The following AHI1 variants were observed in gnomAD, a reference collection of about 807,000 sequenced individuals.
AHI1 encodes the protein jouberin.
In AHI1, 123 loss-of-function variants were observed where a neutral mutation model predicts 149.3. The observed-to-expected ratio is 0.82, with a 90% CI of 0.71 to 0.96. The LOEUF (loss-of-function observed/expected upper bound fraction) is 0.96. Among genes scored for constraint, AHI1 ranks in the 40% least tolerant of loss-of-function variants. The pLI is 0.00. For missense variants in AHI1, 1,439 were observed against 1,422.7 expected (o/e 1.01, Z -0.18); for synonymous variants, 475 against 459.8 (o/e 1.03, Z -0.42).
intron 27 of AHI1, among the ~76,000 whole-genome samples, chr6:135,294,208 C>G (rs1317149973): frequency 1.3e-5 from 2 of 152,024 alleles, no homozygotes; most frequent in Non-Finnish European, 2.9e-5. Context: ...CACCTGTAAT[C>G]CCAGCTACTC....
At chr6:135,425,791 C>A (rs1783836178) in intron 20 of AHI1, among the ~76,000 whole-genome samples, 1 of 151,734 alleles carries the variant, frequency 6.6e-6, no homozygotes. Context: ...TGCCTAAAAA[C>A]CAAACTGGCA....
chr6:135,456,606 C>CT (rs1262633850), intron 9 of AHI1, among the ~76,000 whole-genome samples: 1 of 151,896 alleles, frequency 6.6e-6, no homozygotes, highest in African/African-American at 2.4e-5. Context: ...ACTGTAAACC[C>CT]TTTGAGTTGT....
At chr6:135,395,966 T>C (rs1216926305) in intron 22 of AHI1, among the ~76,000 whole-genome samples, 3 of 151,854 alleles carry the variant, frequency 2.0e-5, no homozygotes, top group East Asian at 1.9e-4. Flanking sequence ...TCTTGTTACA[T>C]GCCCTTTATC....
intron 3 of AHI1, chr6:135,493,056 T>C: frequency 1.2e-6 from 1 of 803,018 alleles, no homozygotes; most frequent in Non-Finnish European, 1.5e-6. Context: ...TCGAGTGCAG[T>C]GGTGTGATCT....
chr6:135,285,308 T>C lies in AHI1; in HGVS notation c.*337A>G. On this transcript the variant is annotated 3_prime_UTR_variant, in exon 29 of 29. Coordinates refer to ENST00000265602, the MANE Select transcript of AHI1 (RefSeq NM_001134831.2). Reference sequence around the variant, plus strand: ...CAGACATCCTAATAACGCAAACACCTTTTATTCACATTTGCTGAGTAGCAA... The same window carrying C: ...CAGACATCCTAATAACGCAAACACCCTTTATTCACATTTGCTGAGTAGCAA... 2.7e-6 allele frequency: 1 copy of C among 373,946 alleles called. No homozygotes were observed. The highest frequency in any genetic ancestry group is 4.9e-6 in the Non-Finnish European group (1 of 205,204). 23.2% of individuals were successfully genotyped at this position (373,946 alleles called of 1,614,324 possible).
At chr6:135,395,303 A>T (rs1257709820) in intron 22 of AHI1, among the ~76,000 whole-genome samples, 5 of 151,952 alleles carry the variant, frequency 3.3e-5, no homozygotes, top group Admixed American at 3.3e-4. Flanking sequence ...CTTTTCAGAG[A>T]TACACAGAAA....
chr6:135,351,302 A>G (rs1792079550), intron 24 of AHI1, among the ~76,000 whole-genome samples: 1 of 152,130 alleles, frequency 6.6e-6, no homozygotes, highest in South Asian at 2.1e-4. Context: ...CAAGCTTGAA[A>G]TATGTTCTTG....
intron 23 of AHI1, among the ~76,000 whole-genome samples, chr6:135,377,753 G>A (rs1456802452): frequency 1.3e-5 from 2 of 151,882 alleles, no homozygotes; most frequent in African/African-American, 2.4e-5. Flanking sequence ...AGTACCAGGC[G>A]CATGAACCAC....
chr6:135,351,622 G>C (rs1413945582), intron 24 of AHI1, among the ~76,000 whole-genome samples: 1 of 152,232 alleles, frequency 6.6e-6, no homozygotes, highest in African/African-American at 2.4e-5. Flanking sequence ...ATAGCTCAGA[G>C]CGGCCAGAGT....
chr6:135,442,606 TG>T lies in AHI1; in HGVS notation c.1887del (p.Ser630AlafsTer18). The T allele has an allele frequency of 6.2e-7, 1 of 1,609,598 alleles. No homozygotes were observed. Among genetic ancestry groups the T allele is most frequent in the South Asian group, 1.1e-5 (1 of 90,128 alleles). ...CAAATAATTGGATATCCATCCCGGC[TG>T]GCACAAGCTGCTGCTAATATTCTTC... ...HNGRILAAAC[A>X]SRDGYPIILY... On this transcript the variant is annotated frameshift_variant, in exon 14 of 29. Transcript: ENST00000265602. LOFTEE classifies it high-confidence loss of function.
chr6:135,356,253 G>T (rs951961009), intron 24 of AHI1, among the ~76,000 whole-genome samples: 1 of 151,998 alleles, frequency 6.6e-6, no homozygotes, highest in African/African-American at 2.4e-5. Context: ...AAAATTTGGG[G>T]CTACAAATAT....
At chr6:135,376,036 G>A (rs1167177767) in intron 23 of AHI1, among the ~76,000 whole-genome samples, 1 of 148,474 alleles carries the variant, frequency 6.7e-6, no homozygotes, top group East Asian at 2.0e-4. Flanking sequence ...TAGAAAAGTA[G>A]TACAACAAAT....
chr6:135,438,182 A>C (rs1290451710), intron 15 of AHI1, among the ~76,000 whole-genome samples, 193 bp downstream of exon 15: 1 of 152,236 alleles, frequency 6.6e-6, no homozygotes, highest in Non-Finnish European at 1.5e-5. Context: ...ACATAAATAA[A>C]AGACATTTAA....
intron 14 of AHI1, among the ~76,000 whole-genome samples, chr6:135,442,146 T>G (rs1215112962): frequency 6.6e-6 from 1 of 152,080 alleles, no homozygotes; most frequent in South Asian, 2.1e-4. Flanking sequence ...TCTATCATAA[T>G]GAGAAGTTTT....
At chr6:135,413,551 A>G (rs1320466619) in intron 20 of AHI1, among the ~76,000 whole-genome samples, 7 of 152,078 alleles carry the variant, frequency 4.6e-5, no homozygotes, top group African/African-American at 1.7e-4. Context: ...AGTGAGGCAC[A>G]CAGGCAGCAA....
intron 24 of AHI1, among the ~76,000 whole-genome samples, chr6:135,350,687 G>A (rs1389313633): frequency 6.6e-6 from 1 of 152,140 alleles, no homozygotes; most frequent in African/African-American, 2.4e-5. Flanking sequence ...ATTTACCTGG[G>A]ATCTCAAGAA....
chr6:135,424,904 G>A (rs1191655876), intron 20 of AHI1, among the ~76,000 whole-genome samples: 4 of 151,782 alleles, frequency 2.6e-5, no homozygotes, highest in Non-Finnish European at 5.9e-5. Flanking sequence ...AAAGCCATAT[G>A]TAAACTTTAT....
intron 23 of AHI1, among the ~76,000 whole-genome samples, chr6:135,377,135 T>G (rs2128463397): frequency 6.6e-6 from 1 of 152,212 alleles, no homozygotes; most frequent in Middle Eastern, 3.4e-3. Flanking sequence ...CTTGGTTATT[T>G]TTCTTAGGTA....
chr6:135,395,001 T>C (rs1218344625), intron 22 of AHI1, 105 bp from the exon 23 acceptor site: 2 of 1,203,708 alleles, frequency 1.7e-6, no homozygotes, highest in Admixed American at 2.2e-5. Flanking sequence ...GGACACATGA[T>C]AGGTCAAAAG....
Sources: gnomAD v4.1 joint callset for allele counts (sites outside exome capture counted in the v4.1 genomes callset) on GRCh38, gnomAD v4.1.1 for gene constraint, MANE v1.5 for transcripts, NCBI Gene and HGNC (gene_info 2026-07-23, HGNC 2026-07-21) for gene names.